MUC7: variants seen among roughly 807,000 people sequenced by gnomAD.
The protein encoded by MUC7 is mucin 7, secreted, also known as mucin-7.
Under a neutral mutation model 2.5 loss-of-function variants are expected in MUC7, and 2 were observed. The ratio of observed to expected loss-of-function variants is 0.81; its 90% CI spans 0.33 to 2.55. The LOEUF is 2.55. Among genes scored for constraint, MUC7 ranks in the 30% most tolerant of loss-of-function variants. The probability of loss-of-function intolerance (pLI) is 0.11; values close to 1 mark genes in which losing one functional copy is unlikely to be tolerated. For synonymous variants in MUC7, 133 were observed against 173.4 expected, an observed-to-expected ratio of 0.77 and a Z score of 1.83; for missense variants, 408 against 455.6, an observed-to-expected ratio of 0.90 and a Z score of 0.95.
intron 1 of MUC7, among the ~76,000 whole-genome samples, chr4:70,461,807 CAA>C (rs58140033): frequency 5.9e-5 from 8 of 135,436 alleles, no homozygotes; most frequent in Non-Finnish European, 4.9e-5. Context: ...ATCTTAAAAT[CAA>C]AAAAAAAAAG....
intron 1 of MUC7, among the ~76,000 whole-genome samples, chr4:70,452,295 T>C (rs948391162): frequency 1.3e-5 from 2 of 152,146 alleles, no homozygotes; most frequent in Non-Finnish European, 2.9e-5. Flanking sequence ...CGCCATTTTG[T>C]TGTTTTCTGG....
At chr4:70,467,238 T>C (rs1734706582), upstream of MUC7, among the ~76,000 whole-genome samples, 1 of 152,138 alleles carries the variant, frequency 6.6e-6, no homozygotes, top group African/African-American at 2.4e-5. Flanking sequence ...CATACCAGAA[T>C]CTCTGGGACA....
chr4:70,455,343 T>A (rs189955871), intron 1 of MUC7, among the ~76,000 whole-genome samples: 3 of 152,318 alleles, frequency 2.0e-5, no homozygotes. Flanking sequence ...ATATTTTAAG[T>A]CATACATTGT....
intron 1 of MUC7, among the ~76,000 whole-genome samples, chr4:70,445,077 A>G (rs1287396126): frequency 6.6e-6 from 1 of 151,958 alleles, no homozygotes; most frequent in Non-Finnish European, 1.5e-5. Context: ...AAAACAAAAC[A>G]CTTTTGTTCC....
intron 1 of MUC7, among the ~76,000 whole-genome samples, chr4:70,453,185 G>A (rs1193658256): frequency 6.6e-6 from 1 of 152,172 alleles, no homozygotes; most frequent in East Asian, 1.9e-4. Flanking sequence ...AGGTAGCAAA[G>A]CCAGCCAGGT....
At chr4:70,477,629 G>A (rs1307095362) in intron 2 of MUC7, among the ~76,000 whole-genome samples, 1 of 151,906 alleles carries the variant, frequency 6.6e-6, no homozygotes, top group African/African-American at 2.4e-5. Flanking sequence ...TGTTCCTCAT[G>A]TCTTCTCCCT....
rs187821444 is a variant in MUC7, at chr4:70,440,392, G to A, written c.-93+9705G>A. ...TCATTATCAATGCTCAACTTATACCGCATGAGCACATGCATCATATCTGTC... is the reference window on the plus strand; with the variant it reads ...TCATTATCAATGCTCAACTTATACCACATGAGCACATGCATCATATCTGTC... On this transcript the variant is annotated intron_variant, in intron 1 of 3. Coordinates refer to the MUC7 transcript ENST00000413702. 6.7e-4 allele frequency among the ~76,000 whole-genome samples: 102 copies of A among 152,120 alleles called. 1 individual carries two copies. Among genetic ancestry groups the A allele is most frequent in the Admixed American group, 1.7e-3 (26 of 15,272 alleles).
At chr4:70,435,245 C>T (rs1285957785) in intron 1 of MUC7, among the ~76,000 whole-genome samples, 3 of 152,166 alleles carry the variant, frequency 2.0e-5, no homozygotes, top group African/African-American at 7.2e-5. Flanking sequence ...GAGCTGAGTT[C>T]AAGTCCTGGA....
intron 2 of MUC7, among the ~76,000 whole-genome samples, chr4:70,475,218 G>T (rs1053469989): frequency 1.3e-5 from 2 of 152,068 alleles, no homozygotes; most frequent in Admixed American, 6.6e-5. Flanking sequence ...GGCAGAGTTT[G>T]CAGTGAGCCG....
At chr4:70,460,767 G>A (rs1391583390) in intron 1 of MUC7, among the ~76,000 whole-genome samples, 4 of 152,240 alleles carry the variant, frequency 2.6e-5, no homozygotes, top group African/African-American at 9.6e-5. Flanking sequence ...TGGACACTGG[G>A]GGATGTCAGT....
chr4:70,462,379 T>C (rs1246297198), intron 1 of MUC7, among the ~76,000 whole-genome samples: 3 of 152,222 alleles, frequency 2.0e-5, no homozygotes, highest in Non-Finnish European at 4.4e-5. Flanking sequence ...AAAATTTCAA[T>C]GTCACCTTAT....
intron 1 of MUC7, among the ~76,000 whole-genome samples, 168 bp downstream of exon 1, chr4:70,472,459 T>G (rs1031324558): frequency 2.6e-5 from 4 of 152,210 alleles, no homozygotes; most frequent in African/African-American, 9.7e-5. Context: ...GAACACAATA[T>G]GATTGGTAGG....
intron 1 of MUC7, among the ~76,000 whole-genome samples, chr4:70,455,886 C>G (rs1406257261): frequency 6.6e-6 from 1 of 152,172 alleles, no homozygotes; most frequent in Admixed American, 6.5e-5. Flanking sequence ...CCCCTGGTCA[C>G]CCTTCACCAC....
intron 1 of MUC7, among the ~76,000 whole-genome samples, chr4:70,450,450 G>A (rs1242549528): frequency 1.3e-5 from 2 of 152,182 alleles, no homozygotes; most frequent in Non-Finnish European, 2.9e-5. Flanking sequence ...CTTTGTGGCT[G>A]TGCTGGTACC....
In MUC7 at chr4:70,451,484, T is replaced by TG. The variant is rs560061314; in HGVS notation, c.-92-20725dup. Reference sequence around the variant, plus strand: ...ATAGTTGTTAACTCAGTGTCCTTGTTGGGGGGTTATGATCAGTGGAGCTTT... The same window carrying TG: ...ATAGTTGTTAACTCAGTGTCCTTGTTGGGGGGGTTATGATCAGTGGAGCTTT... On this transcript the variant is annotated intron_variant, in intron 1 of 3. Transcript: ENST00000413702. Among the ~76,000 whole-genome samples, 37 of 152,312 alleles carry TG rather than the reference T, an allele frequency of 2.4e-4. No homozygotes were observed. The South Asian group carries it at 7.3e-3, about 30-fold the overall frequency.
At chr4:70,431,714 G>A (rs1430146945) in intron 1 of MUC7, among the ~76,000 whole-genome samples, 2 of 151,860 alleles carry the variant, frequency 1.3e-5, no homozygotes, top group Non-Finnish European at 2.9e-5. Context: ...AGCTTTGAGG[G>A]TAAGTCTGGT....
intron 1 of MUC7, among the ~76,000 whole-genome samples, chr4:70,432,772 A>G (rs904492120): frequency 1.9e-4 from 29 of 152,102 alleles, no homozygotes; most frequent in Non-Finnish European, 2.1e-4. Context: ...TTCTGTTGCC[A>G]TTGCTTTTGG....
At chr4:70,473,352 G>T (rs1185870951) in intron 1 of MUC7, among the ~76,000 whole-genome samples, 1 of 152,110 alleles carries the variant, frequency 6.6e-6, no homozygotes, top group East Asian at 1.9e-4. Flanking sequence ...GCCAAAGTGA[G>T]AGGATCGCTT....
At chr4:70,432,646 T>C (rs1413439996) in intron 1 of MUC7, among the ~76,000 whole-genome samples, 2 of 151,546 alleles carry the variant, frequency 1.3e-5, no homozygotes, top group African/African-American at 4.8e-5. Flanking sequence ...ATTAGCCCTT[T>C]AGTAGATTGC....
Sources: allele counts gnomAD v4.1 joint callset (sites outside exome capture counted in the v4.1 genomes callset), GRCh38; gene constraint gnomAD v4.1.1; transcripts MANE v1.5; gene names NCBI Gene and HGNC (gene_info 2026-07-23, HGNC 2026-07-21).